The following MYO1B variants were observed in gnomAD, a reference collection of about 807,000 sequenced individuals.
MYO1B encodes unconventional myosin-Ib.
A neutral mutation model predicts 159.7 loss-of-function variants in MYO1B; 72 were observed. The observed-to-expected ratio is 0.45, with a 90% CI of 0.37 to 0.55. The LOEUF (loss-of-function observed/expected upper bound fraction) is 0.55. Among genes scored for constraint, MYO1B ranks in the 20% least tolerant of loss-of-function variants. MYO1B has a pLI of 0.00. For synonymous variants in MYO1B, 468 were observed against 473.8 expected (o/e 0.99, Z 0.16); for missense variants, 1,062 against 1,364.8 (o/e 0.78, Z 3.50).
At chr2:191,359,765 C>T (rs896000045) in intron 7 of MYO1B, among the ~76,000 whole-genome samples, 2 of 152,182 alleles carry the variant, frequency 1.3e-5, no homozygotes, top group Non-Finnish European at 2.9e-5. Flanking sequence ...AGAATTAGTG[C>T]TCAATAATGA....
chr2:191,255,213 G>A (rs1488147785), intron 1 of MYO1B, among the ~76,000 whole-genome samples: 3 of 152,086 alleles, frequency 2.0e-5, no homozygotes, highest in Admixed American at 2.0e-4. Flanking sequence ...ACAGGTATGA[G>A]GCACTACACC....
Position 191,423,827 on chromosome 2 carries a change from TTTCTC to T in MYO1B, c.3288-9_3288-5del. 1 of 1,601,248 alleles carries T rather than the reference TTTCTC, an allele frequency of 6.2e-7. No homozygotes were observed. The highest frequency in any genetic ancestry group is 1.3e-5 in the African/African-American group (1 of 74,090). On this transcript the variant is annotated splice_polypyrimidine_tract_variant and splice_region_variant and intron_variant, in intron 30 of 30. Transcript: ENST00000392318. Reference sequence around the variant, plus strand: ...TGTATACTTTAATTTGTTTTATTCTTTTCTCCTAGGTTCCTGGTACAGTTCAGACA... The same window carrying T: ...TGTATACTTTAATTTGTTTTATTCTTCTAGGTTCCTGGTACAGTTCAGACA...
chr2:191,246,006 G>C (rs541582472), intron 1 of MYO1B: 18 of 152,360 alleles, frequency 1.2e-4, no homozygotes, highest in African/African-American at 3.9e-4. Context: ...TGGCCCCCTG[G>C]AAAGACACGG....
intron 1 of MYO1B, chr2:191,263,124 G>A (rs1461758910): frequency 6.5e-6 from 1 of 153,788 alleles, no homozygotes; most frequent in African/African-American, 2.4e-5. Context: ...GTTGTCAACA[G>A]AAGAGTCCAG....
At chr2:191,415,487 C>T (rs1011149224) in intron 29 of MYO1B, among the ~76,000 whole-genome samples, 3 of 152,128 alleles carry the variant, frequency 2.0e-5, no homozygotes, top group African/African-American at 7.2e-5. Flanking sequence ...CTCAGTGACA[C>T]ATGTAAACAG....
chr2:191,367,359 A>C (rs1488034486), intron 11 of MYO1B, among the ~76,000 whole-genome samples: 1 of 151,844 alleles, frequency 6.6e-6, no homozygotes, highest in East Asian at 1.9e-4. Flanking sequence ...AAAGGGTAGT[A>C]TTTTCTTTGG....
At chr2:191,254,267 C>T (rs1686300693) in intron 1 of MYO1B, among the ~76,000 whole-genome samples, 1 of 152,070 alleles carries the variant, frequency 6.6e-6, no homozygotes, top group Non-Finnish European at 1.5e-5. Context: ...GGCTGGAGTG[C>T]AGTGGCATAA....
At chr2:191,313,985 C>T (rs536409005) in intron 3 of MYO1B, among the ~76,000 whole-genome samples, 2 of 152,324 alleles carry the variant, frequency 1.3e-5, no homozygotes, top group East Asian at 1.9e-4. Context: ...GTTAATTTAT[C>T]ACATGGTCTC....
intron 2 of MYO1B, among the ~76,000 whole-genome samples, chr2:191,277,678 T>C (rs1209632536): frequency 6.6e-6 from 1 of 152,254 alleles, no homozygotes; most frequent in Non-Finnish European, 1.5e-5. Flanking sequence ...AATACATTTA[T>C]ATGCAGCTTT....
chr2:191,418,482 ATTTTTT>A (rs1159016855), intron 30 of MYO1B, among the ~76,000 whole-genome samples: 4 of 81,044 alleles, frequency 4.9e-5, no homozygotes, highest in East Asian at 4.5e-4. Context: ...TCTTTAGTGG[ATTTTTT>A]TTTTTTTTTT....
chr2:191,387,802 T>C lies in MYO1B; in HGVS notation c.1781+352T>C. 3 of 315,020 alleles carry C rather than the reference T, an allele frequency of 9.5e-6. No individual in the cohort carries two copies. In the South Asian group the frequency reaches 1.0e-4, roughly 11 times the overall value. 19.5% of individuals were successfully genotyped at this position (315,020 alleles called of 1,614,324 possible). On this transcript the variant is annotated intron_variant, in intron 17 of 30. Coordinates refer to ENST00000392318, the MANE Select transcript of MYO1B (RefSeq NM_001130158.3). ...TTCTGGTCAGTGTTTTGCAGAAAAC[T>C]CTTGTTGGCTTCATTTGGGATTCTT...
chr2:191,263,270 A>G (rs1183996793), intron 1 of MYO1B: 2 of 970,610 alleles, frequency 2.1e-6, no homozygotes, highest in Non-Finnish European at 2.4e-6. Flanking sequence ...CTTGCAAAAT[A>G]TTTGTTGTAC....
intron 2 of MYO1B, among the ~76,000 whole-genome samples, chr2:191,287,653 A>G (rs1210966466): frequency 6.6e-6 from 1 of 152,202 alleles, no homozygotes; most frequent in Admixed American, 6.5e-5. Flanking sequence ...TTTCAAATAC[A>G]TTGAAGAATT....
At chr2:191,253,540 G>T (rs1333996126) in intron 1 of MYO1B, among the ~76,000 whole-genome samples, 5 of 150,612 alleles carry the variant, frequency 3.3e-5, no homozygotes, top group South Asian at 2.1e-4. Flanking sequence ...CTCAGGTTGC[G>T]CTTGTTCTTC....
chr2:191,368,995 A>G (rs1447152030), intron 11 of MYO1B, among the ~76,000 whole-genome samples: 1 of 152,178 alleles, frequency 6.6e-6, no homozygotes, highest in Admixed American at 6.5e-5. Flanking sequence ...AAAAATAAAA[A>G]AAGATTGAGT....
chr2:191,383,542 A>G (rs1695217130), intron 15 of MYO1B, among the ~76,000 whole-genome samples, 200 bp downstream of exon 15: 1 of 129,704 alleles, frequency 7.7e-6, no homozygotes, highest in East Asian at 2.3e-4. Context: ...ACACACACAC[A>G]CACACATATA....
chr2:191,416,573 G>C, intron 30 of MYO1B: 2 of 191,314 alleles, frequency 1.0e-5, no homozygotes, highest in Non-Finnish European at 2.2e-5. Flanking sequence ...CCAGCACTTT[G>C]GGAGGCCGAG....
At chr2:191,294,203 AGAGTTTGT>A (rs2125805421) in intron 2 of MYO1B, among the ~76,000 whole-genome samples, 1 of 152,328 alleles carries the variant, frequency 6.6e-6, no homozygotes, top group Non-Finnish European at 1.5e-5. Context: ...TTGAGGCAAC[AGAGTTTGT>A]TCCCTGTGCA....
At chr2:191,358,887 C>A (rs1693476211) in intron 7 of MYO1B, among the ~76,000 whole-genome samples, 1 of 152,242 alleles carries the variant, frequency 6.6e-6, no homozygotes, top group Non-Finnish European at 1.5e-5. Flanking sequence ...ACGTGTCCAG[C>A]TGGTGCTAAA....
Sources: allele counts gnomAD v4.1 joint callset (sites outside exome capture counted in the v4.1 genomes callset), GRCh38; gene constraint gnomAD v4.1.1; transcripts MANE v1.5; gene names NCBI Gene and HGNC (gene_info 2026-07-23, HGNC 2026-07-21).